HS6ST3: variants seen among roughly 807,000 people sequenced by gnomAD.
HS6ST3 encodes the protein heparan sulfate 6-O-sulfotransferase 3.
In HS6ST3, 12 loss-of-function variants were observed where a neutral mutation model predicts 36.7. That is an observed-to-expected ratio of 0.33 (90% CI 0.21 to 0.53). The LOEUF (loss-of-function observed/expected upper bound fraction) is 0.53, where lower values mean the gene tolerates loss of function less well. Ranked by LOEUF, HS6ST3 falls within the 20% of genes least tolerant of loss-of-function variation. HS6ST3 has a pLI of 0.95. For synonymous variants in HS6ST3, 240 were observed against 257.5 expected (o/e 0.93, Z 0.65); for missense variants, 584 against 640.9 (o/e 0.91, Z 0.96).
intron 1 of HS6ST3, among the ~76,000 whole-genome samples, chr13:96,373,329 T>C (rs890267268): frequency 1.3e-5 from 2 of 152,186 alleles, no homozygotes; most frequent in African/African-American, 4.8e-5. Context: ...AAGGACCCTA[T>C]CTTCCTGAAA....
At chr13:96,732,834 A>T (rs1876194657) in intron 1 of HS6ST3, among the ~76,000 whole-genome samples, 1 of 122,632 alleles carries the variant, frequency 8.2e-6, no homozygotes, top group Admixed American at 7.9e-5. Context: ...AACGTTTTAT[A>T]GTTTTCAATG....
chr13:96,619,392 T>C (rs1050268085), intron 1 of HS6ST3, among the ~76,000 whole-genome samples: 2 of 152,226 alleles, frequency 1.3e-5, no homozygotes, highest in African/African-American at 4.8e-5. Context: ...TCTGACTTTT[T>C]TCTGGTTTAA....
At chr13:96,196,492 T>C (rs537845487) in intron 1 of HS6ST3, among the ~76,000 whole-genome samples, 1 of 152,270 alleles carries the variant, frequency 6.6e-6, no homozygotes, top group Admixed American at 6.5e-5. Flanking sequence ...CCGTGGGTAT[T>C]GAGTCTTCTT....
intron 1 of HS6ST3, among the ~76,000 whole-genome samples, chr13:96,530,996 T>C (rs901184283): frequency 6.6e-6 from 1 of 152,232 alleles, no homozygotes; most frequent in Non-Finnish European, 1.5e-5. Flanking sequence ...TGAGTAGCAA[T>C]GATTTAGATC....
chr13:96,793,117 C>T (rs1480052215), intron 1 of HS6ST3, among the ~76,000 whole-genome samples: 1 of 152,032 alleles, frequency 6.6e-6, no homozygotes, highest in Non-Finnish European at 1.5e-5. Context: ...CCTCATAGCC[C>T]TTGACCTTTT....
At chr13:96,406,259 C>G (rs1198081448) in intron 1 of HS6ST3, among the ~76,000 whole-genome samples, 1 of 152,170 alleles carries the variant, frequency 6.6e-6, no homozygotes, top group Admixed American at 6.5e-5. Flanking sequence ...AATGTAAAAT[C>G]ATTCAACTAA....
At chr13:96,808,808 G>A (rs1472008636) in intron 1 of HS6ST3, among the ~76,000 whole-genome samples, 1 of 152,152 alleles carries the variant, frequency 6.6e-6, no homozygotes, top group East Asian at 1.9e-4. Flanking sequence ...ATTAAGAAGC[G>A]GGAACTTTTT....
intron 1 of HS6ST3, among the ~76,000 whole-genome samples, chr13:96,301,898 TATAATA>T (rs71113989): frequency 0.035 from 4,805 of 137,694 alleles, 111 homozygotes; most frequent in South Asian, 0.074. Context: ...AGACTCCATC[TATAATA>T]ATAATAATAA....
At chr13:96,533,328 A>C (rs754935401) in intron 1 of HS6ST3, among the ~76,000 whole-genome samples, 11 of 152,314 alleles carry the variant, frequency 7.2e-5, no homozygotes, top group South Asian at 4.1e-4. Context: ...CAAGCTTCTC[A>C]TTCCTCAGAG....
rs569681125 is a variant in HS6ST3 at position 96,423,608 on chromosome 13, G to A, written c.707+332039G>A. ...TCAGGAAGAGCATTCCAAGCAGAAG[G>A]AAGAGTAGGTGCAAAGTCTCTGTGG... On this transcript the variant is annotated intron_variant, in intron 1 of 1. Transcript: ENST00000376705. Among the ~76,000 whole-genome samples the A allele has an allele frequency of 8.9e-4, 135 of 151,736 alleles. No homozygotes were observed. In the South Asian group the frequency reaches 0.027, roughly 30 times the overall value.
At chr13:96,599,035 C>T (rs1015587387) in intron 1 of HS6ST3, among the ~76,000 whole-genome samples, 12 of 152,038 alleles carry the variant, frequency 7.9e-5, no homozygotes, top group East Asian at 3.9e-4. Flanking sequence ...TCTGGTGAAT[C>T]GTCTTTTTGA....
chr13:96,320,992 G>C (rs1028025084), intron 1 of HS6ST3, among the ~76,000 whole-genome samples: 1 of 152,112 alleles, frequency 6.6e-6, no homozygotes, highest in Non-Finnish European at 1.5e-5. Context: ...TGGGGCTGGT[G>C]CATGCAGGAA....
chr13:96,640,303 T>A (rs1482428452), intron 1 of HS6ST3, among the ~76,000 whole-genome samples: 1 of 152,108 alleles, frequency 6.6e-6, no homozygotes, highest in Non-Finnish European at 1.5e-5. Context: ...TTGGTTTGCA[T>A]TTCTCTGATG....
intron 1 of HS6ST3, among the ~76,000 whole-genome samples, chr13:96,226,209 G>A (rs2054479490): frequency 1.3e-5 from 2 of 152,256 alleles, no homozygotes; most frequent in South Asian, 4.1e-4. Context: ...GAAATACCTT[G>A]AAGATTTTTA....
chr13:96,182,343 C>T (rs536322294), intron 1 of HS6ST3, among the ~76,000 whole-genome samples: 3 of 152,232 alleles, frequency 2.0e-5, no homozygotes, highest in South Asian at 2.1e-4. Flanking sequence ...GCCATAAAGG[C>T]GATGTCTTAA....
At chr13:96,496,277 G>A (rs372908959) in intron 1 of HS6ST3, among the ~76,000 whole-genome samples, 20 of 152,268 alleles carry the variant, frequency 1.3e-4, no homozygotes, top group African/African-American at 4.8e-4. Context: ...GGGAGAGAAG[G>A]TCTGAAGTTC....
At chr13:96,770,349 G>T (rs1226971798) in intron 1 of HS6ST3, among the ~76,000 whole-genome samples, 1 of 152,168 alleles carries the variant, frequency 6.6e-6, no homozygotes, top group East Asian at 1.9e-4. Context: ...TTTCTCTTGA[G>T]CATAATTTTA....
At chr13:96,312,772 T>C (rs778501338) in intron 1 of HS6ST3, among the ~76,000 whole-genome samples, 16 of 151,890 alleles carry the variant, frequency 1.1e-4, no homozygotes, top group Non-Finnish European at 2.1e-4. Context: ...GCCAACGTGA[T>C]GAAACCCCAT....
intron 1 of HS6ST3, among the ~76,000 whole-genome samples, chr13:96,180,182 G>A (rs78462648): frequency 0.013 from 2,048 of 152,012 alleles, 46 homozygotes; most frequent in African/African-American, 0.047. Context: ...CCAACTATGC[G>A]GACATACACA....
Sources: allele counts gnomAD v4.1 joint callset (sites outside exome capture counted in the v4.1 genomes callset), GRCh38; gene constraint gnomAD v4.1.1; transcripts MANE v1.5; gene names NCBI Gene and HGNC (gene_info 2026-07-23, HGNC 2026-07-21).